Variants in NFIB observed in about 807,000 individuals in gnomAD.
NFIB encodes nuclear factor I B, also known as nuclear factor 1 B-type.
NFIB carries 11 observed loss-of-function variants against 61.5 expected under a neutral mutation model. The observed-to-expected ratio is 0.18, with a 90% CI of 0.11 to 0.30. The LOEUF is 0.30. NFIB is among the 10% of genes least tolerant of loss of function. The pLI, the probability that NFIB is intolerant of heterozygous loss-of-function variation, is 1.00. For missense variants in NFIB, 471 were observed against 608.9 expected (o/e 0.77, Z 2.38); for synonymous variants, 260 against 216.5 (o/e 1.20, Z -1.76).
At chr9:14,165,455 A>C (rs1289415626) in intron 3 of NFIB, among the ~76,000 whole-genome samples, 1 of 152,232 alleles carries the variant, frequency 6.6e-6, no homozygotes, top group African/African-American at 2.4e-5. Flanking sequence ...TATTATAATC[A>C]GGGTTTATTC....
chr9:14,307,363 C>A lies in NFIB; in HGVS notation c.188G>T (p.Ser63Ile), dbSNP rs747035867. ...CTTCTGTTTGATTTCAGGCTTTTCA[C>A]TGAGAAGCTCATCTTTGACTGCTCT... ...EERAVKDELL[S>I]EKPEIKQKWA... Residue 63 changes from serine (S) to isoleucine (I), a missense_variant, in exon 2 of 11, where the codon AGT becomes ATT. By Grantham distance (142) the Ser-to-Ile change is moderately radical (BLOSUM62 -2). This residue lies in a region of NFIB where 99 missense variants were observed against 213.3 expected (regional missense o/e 0.46). Transcript: ENST00000380953. The surrounding 1 kb of genome is among the most constrained non-coding windows in gnomAD (Gnocchi z 5.3). 6.2e-7 allele frequency: 1 copy of A among 1,614,094 alleles called. No homozygotes were observed. Among genetic ancestry groups the A allele is most frequent in the Non-Finnish European group, 8.5e-7 (1 of 1,180,020 alleles).
At chr9:14,128,995 G>C (rs1304089444) in intron 6 of NFIB, among the ~76,000 whole-genome samples, 2 of 152,060 alleles carry the variant, frequency 1.3e-5, no homozygotes, top group Non-Finnish European at 2.9e-5. Context: ...CTTTTACTGA[G>C]TAATTATTAT....
intron 5 of NFIB, among the ~76,000 whole-genome samples, chr9:14,148,604 T>G (rs1014338269): frequency 2.0e-5 from 3 of 152,152 alleles, no homozygotes; most frequent in African/African-American, 7.2e-5. Context: ...GAGACACATT[T>G]GGAGAGATTC....
chr9:14,338,470 A>G (rs1182751663), intron 1 of NFIB, among the ~76,000 whole-genome samples: 1 of 152,220 alleles, frequency 6.6e-6, no homozygotes, highest in African/African-American at 2.4e-5. Flanking sequence ...GAGTAGAACA[A>G]CTGGAGTTTG....
intron 2 of NFIB, among the ~76,000 whole-genome samples, chr9:14,260,656 G>A (rs966252440): frequency 2.0e-5 from 3 of 152,290 alleles, no homozygotes; most frequent in Admixed American, 6.5e-5. Context: ...TGTGCCAGTC[G>A]AGCATATCTG....
intron 3 of NFIB, among the ~76,000 whole-genome samples, chr9:14,164,252 G>A (rs771012417): frequency 6.6e-5 from 10 of 152,068 alleles, no homozygotes; most frequent in Admixed American, 1.3e-4. Context: ...ATGGCTTAAT[G>A]GCAGGGACAC....
In NFIB at chr9:14,086,615, C is replaced by T. The variant is rs988633072; in HGVS notation, c.*1694G>A. 4.7e-6 allele frequency: 1 copy of T among 214,962 alleles called. No homozygotes were observed. Among genetic ancestry groups the T allele is most frequent in the African/African-American group, 2.3e-5 (1 of 44,286 alleles). 13.3% of individuals were successfully genotyped at this position (214,962 alleles called of 1,614,324 possible). A position where few individuals can be genotyped will look rare whatever the true frequency, so the allele number is the denominator to read the frequency against. On this transcript the variant is annotated 3_prime_UTR_variant, in exon 11 of 11. Transcript: ENST00000380953. ...GGCAACTATACACAGCCATGATATG[C>T]TTTATAAATGTGAGATAAAGGTATA... is the stretch of plus-strand genomic sequence containing the variant.
the NFIB span, among the ~76,000 whole-genome samples, chr9:14,447,457 T>G: frequency 5.7e-4 from 87 of 152,180 alleles, no homozygotes; most frequent in African/African-American, 2.0e-3. Flanking sequence ...TAGTGTGGGG[T>G]CACTCTCCAT....
intron 2 of NFIB, among the ~76,000 whole-genome samples, chr9:14,269,255 C>T (rs2057430307): frequency 6.6e-6 from 1 of 152,054 alleles, no homozygotes; most frequent in Non-Finnish European, 1.5e-5. Context: ...TCAGCATTTG[C>T]CAATAAAAAG....
the NFIB span, among the ~76,000 whole-genome samples, chr9:14,416,892 C>CTTTTTTTTTTTTTTT: frequency 1.6e-5 from 2 of 126,938 alleles, no homozygotes; most frequent in African/African-American, 6.6e-5. Flanking sequence ...ACTATTTTTA[C>CTTTTTTTTTTTTTTT]TTTTTTTTTT....
At chr9:14,389,995 T>C (rs1455958663) in intron 1 of NFIB, among the ~76,000 whole-genome samples, 26 of 152,218 alleles carry the variant, frequency 1.7e-4, no homozygotes. Flanking sequence ...CCTCTGAAGA[T>C]ACTTATTTTA....
In NFIB at chr9:14,299,231, C is replaced by T. The variant is rs60530026; in HGVS notation, c.562+7758G>A. On this transcript the variant is annotated intron_variant, in intron 2 of 10. Transcript: ENST00000380953. Reference sequence around the variant, plus strand: ...GTCCCAAGCTCTACCATTCCGTTAGCACCAATACATTTATCCATGTATTTT... The same window carrying T: ...GTCCCAAGCTCTACCATTCCGTTAGTACCAATACATTTATCCATGTATTTT... Among the ~76,000 whole-genome samples the T allele has an allele frequency of 9.2e-5, 14 of 152,222 alleles. No homozygotes were observed. In the East Asian group the frequency reaches 2.3e-3, roughly 25 times the overall value.
chr9:14,357,784 C>A (rs193249831), intron 1 of NFIB: 1 of 152,076 alleles, frequency 6.6e-6, no homozygotes, highest in African/African-American at 2.4e-5. Flanking sequence ...GTGGGATATA[C>A]GTGTAATGGA....
At chr9:14,204,088 C>A (rs1304153435) in intron 2 of NFIB, among the ~76,000 whole-genome samples, 1 of 152,116 alleles carries the variant, frequency 6.6e-6, no homozygotes, top group Non-Finnish European at 1.5e-5. Context: ...AAAATGAAAA[C>A]CAAAAAATTA....
At chr9:14,451,526 T>TA in the NFIB span, among the ~76,000 whole-genome samples, 3 of 152,144 alleles carry the variant, frequency 2.0e-5, no homozygotes, top group East Asian at 1.9e-4. Flanking sequence ...GGTAAGCACT[T>TA]AAAAAAACAA....
intron 1 of NFIB, among the ~76,000 whole-genome samples, chr9:14,383,052 A>G (rs2133007554): frequency 6.6e-6 from 1 of 150,974 alleles, no homozygotes; most frequent in Admixed American, 6.7e-5. Context: ...GGAACTCTTA[A>G]GAGAAGGATT....
At chr9:14,095,815 TATC>T (rs1430029273) in intron 10 of NFIB, among the ~76,000 whole-genome samples, 5 of 152,178 alleles carry the variant, frequency 3.3e-5, no homozygotes, top group Non-Finnish European at 7.4e-5. Context: ...CACATTTTAA[TATC>T]ATGCTTGCTA....
chr9:14,530,410 GA>G, the NFIB span, among the ~76,000 whole-genome samples: 1 of 139,648 alleles, frequency 7.2e-6, no homozygotes, highest in Admixed American at 7.9e-5. Context: ...GGGAAAGAGA[GA>G]GGGAGAGAGA....
At chr9:14,153,411 T>C (rs897307964) in intron 4 of NFIB, among the ~76,000 whole-genome samples, 2 of 152,010 alleles carry the variant, frequency 1.3e-5, no homozygotes, top group African/African-American at 2.4e-5. Flanking sequence ...GACGCAAAGA[T>C]CAGTGTTAGC....
Sources: allele counts gnomAD v4.1 joint callset (sites outside exome capture counted in the v4.1 genomes callset), GRCh38; gene constraint gnomAD v4.1.1; regional missense constraint gnomAD v4.1.1; non-coding constraint Gnocchi (gnomAD v3.1); transcripts MANE v1.5; gene names NCBI Gene and HGNC (gene_info 2026-07-23, HGNC 2026-07-21).